The following ROBO2 variants were observed in gnomAD, a reference collection of about 807,000 sequenced individuals.
ROBO2 encodes roundabout guidance receptor 2, also known as roundabout homolog 2.
ROBO2 carries 53 observed loss-of-function variants against 160.8 expected under a neutral mutation model. The ratio of observed to expected loss-of-function variants is 0.33; its 90% confidence interval spans 0.26 to 0.41. The LOEUF is 0.41. Among genes scored for constraint, ROBO2 ranks in the 10% least tolerant of loss-of-function variants. The pLI, the probability that ROBO2 is intolerant of heterozygous loss-of-function variation, is 1.00. For synonymous variants in ROBO2, 664 were observed against 611.7 expected (o/e 1.09, Z -1.26); for missense variants, 1,577 against 1,722.4 (o/e 0.92, Z 1.49).
chr3:75,991,046 T>A (rs1016480404), intron 2 of ROBO2, among the ~76,000 whole-genome samples: 2 of 152,192 alleles, frequency 1.3e-5, no homozygotes, highest in Non-Finnish European at 2.9e-5. Context: ...ACCTTCAAAC[T>A]GAGCCTGAAT....
At chr3:77,616,819 T>A (rs2094789659) in intron 21 of ROBO2, among the ~76,000 whole-genome samples, 1 of 152,188 alleles carries the variant, frequency 6.6e-6, no homozygotes, top group African/African-American at 2.4e-5. Flanking sequence ...TTTAAAATAA[T>A]TGTCATATTT....
Position 76,371,335 on chromosome 3 carries a change from A to G in ROBO2, c.109+433733A>G, listed in dbSNP as rs561904845. ...AGAGGAAAGTGAAAGGGTATTTACA[A>G]TCTGTTATGTACATAATTGTATATG... On this transcript the variant is annotated intron_variant, in intron 2 of 26. Coordinates refer to the ROBO2 transcript ENST00000487694. Among the ~76,000 whole-genome samples, 203 of 152,080 alleles carry G rather than the reference A, an allele frequency of 1.3e-3. 1 individual carries two copies. Among genetic ancestry groups the G allele is most frequent in the Non-Finnish European group, 2.2e-3 (151 of 67,922 alleles).
chr3:76,170,102 T>A (rs901070991), intron 2 of ROBO2, among the ~76,000 whole-genome samples: 3 of 152,200 alleles, frequency 2.0e-5, no homozygotes, highest in African/African-American at 4.8e-5. Context: ...TTTTAAAAAA[T>A]TTTTTACTCA....
intron 2 of ROBO2, among the ~76,000 whole-genome samples, chr3:76,610,391 G>A (rs934807405): frequency 1.3e-5 from 2 of 152,104 alleles, no homozygotes; most frequent in Non-Finnish European, 2.9e-5. Context: ...CAGCAGCTCC[G>A]TGCTCAGCCC....
chr3:76,717,616 C>T (rs78520485), intron 2 of ROBO2, among the ~76,000 whole-genome samples: 16 of 151,956 alleles, frequency 1.1e-4, no homozygotes, highest in East Asian at 7.7e-4. Flanking sequence ...TTCAGGTAGG[C>T]GATCAAACTG....
intron 2 of ROBO2, among the ~76,000 whole-genome samples, chr3:76,392,662 T>C (rs2077212520): frequency 6.6e-6 from 1 of 152,190 alleles, no homozygotes; most frequent in Non-Finnish European, 1.5e-5. Context: ...TGCCAATTTT[T>C]TCTCATCATG....
intron 2 of ROBO2, among the ~76,000 whole-genome samples, chr3:76,827,640 T>C (rs1400878335): frequency 6.6e-6 from 1 of 152,148 alleles, no homozygotes; most frequent in Non-Finnish European, 1.5e-5. Context: ...AGTTCTGTGT[T>C]TTTATCATAA....
intron 2 of ROBO2, among the ~76,000 whole-genome samples, chr3:77,275,984 A>G (rs952072114): frequency 1.3e-5 from 2 of 152,124 alleles, no homozygotes; most frequent in Admixed American, 1.3e-4. Context: ...TTTCCCTTAT[A>G]TATAGGGCTA....
At chr3:77,581,612 T>C (rs1583081275) in intron 16 of ROBO2, among the ~76,000 whole-genome samples, 1 of 152,292 alleles carries the variant, frequency 6.6e-6, no homozygotes, top group East Asian at 1.9e-4. Flanking sequence ...TTAATTCCCC[T>C]GAGGCCAGAG....
chr3:77,634,120 A>G (rs2095221916), intron 23 of ROBO2: 1 of 152,244 alleles, frequency 6.6e-6, no homozygotes, highest in Admixed American at 6.5e-5. Flanking sequence ...ACCTTTTCCC[A>G]GAATAAATTT....
chr3:77,380,513 T>A (rs1019772258), intron 2 of ROBO2, among the ~76,000 whole-genome samples: 30 of 152,086 alleles, frequency 2.0e-4, no homozygotes, highest in African/African-American at 6.8e-4. Context: ...AGAATGAAAA[T>A]CAATGAGTAA....
intron 21 of ROBO2, among the ~76,000 whole-genome samples, chr3:77,612,632 AC>A (rs2094671628): frequency 6.6e-6 from 1 of 152,158 alleles, no homozygotes; most frequent in Non-Finnish European, 1.5e-5. Flanking sequence ...TCACACACAC[AC>A]ACAAAATGAC....
chr3:76,226,890 A>T (rs1269534813), intron 2 of ROBO2, among the ~76,000 whole-genome samples: 1 of 152,144 alleles, frequency 6.6e-6, no homozygotes, highest in Non-Finnish European at 1.5e-5. Context: ...TATAACACCT[A>T]TAAAAATAAA....
chr3:76,786,596 C>T (rs1027693637), intron 2 of ROBO2, among the ~76,000 whole-genome samples: 3 of 151,348 alleles, frequency 2.0e-5, no homozygotes, highest in African/African-American at 7.3e-5. Flanking sequence ...GATTCAATTA[C>T]CTCCCACCAC....
Position 77,277,423 on chromosome 3 carries a change from T to C in ROBO2, c.388+179083T>C, listed in dbSNP as rs551819676. ...ACCTAGGTATTAAGCCCAGCAGTCA[T>C]TAGCTATTCTTCCAGATGATGTCAC... On this transcript the variant is annotated intron_variant, in intron 2 of 25. Coordinates refer to ENST00000461745, the Ensembl canonical transcript of ROBO2. Among the ~76,000 whole-genome samples the C allele has an allele frequency of 1.2e-3, 183 of 152,016 alleles. 1 individual carries two copies. The highest frequency in any genetic ancestry group is 3.0e-3 in the Admixed American group (45 of 15,246).
intron 2 of ROBO2, among the ~76,000 whole-genome samples, chr3:76,278,911 C>T (rs556169536): frequency 1.3e-5 from 2 of 151,958 alleles, no homozygotes; most frequent in Non-Finnish European, 2.9e-5. Flanking sequence ...AGCTGCTCTC[C>T]CACTCCTACC....
chr3:76,323,182 A>T (rs2072724620), intron 2 of ROBO2, among the ~76,000 whole-genome samples: 1 of 100,914 alleles, frequency 9.9e-6, no homozygotes, highest in African/African-American at 3.7e-5. Context: ...CACACCCCTA[A>T]AGGCTAATTG....
intron 2 of ROBO2, among the ~76,000 whole-genome samples, chr3:76,655,726 AAGGGAGGG>A (rs375493687): frequency 7.0e-6 from 1 of 142,938 alleles, no homozygotes; most frequent in Admixed American, 7.0e-5. Flanking sequence ...GGAAGGGAGA[AAGGGAGGG>A]AGGGAGGGAG....
chr3:77,145,315 G>A (rs896354244), intron 2 of ROBO2, among the ~76,000 whole-genome samples: 2 of 152,126 alleles, frequency 1.3e-5, no homozygotes, highest in African/African-American at 4.8e-5. Flanking sequence ...CATGTTTGAA[G>A]TTTGAACCTT....
Sources: allele counts gnomAD v4.1 joint callset (sites outside exome capture counted in the v4.1 genomes callset), GRCh38; gene constraint gnomAD v4.1.1; transcripts MANE v1.5; gene names NCBI Gene and HGNC (gene_info 2026-07-23, HGNC 2026-07-21).